Variants in HDAC3 observed in about 807,000 individuals in gnomAD.
HDAC3 encodes histone deacetylase 3.
HDAC3 carries 21 observed loss-of-function variants against 62.3 expected under a neutral mutation model. The ratio of observed to expected loss-of-function variants is 0.34; its 90% confidence interval spans 0.24 to 0.49. The LOEUF (loss-of-function observed/expected upper bound fraction) is 0.49, where lower values mean the gene tolerates loss of function less well. HDAC3 is among the 20% of genes least tolerant of loss of function. The probability of loss-of-function intolerance (pLI) is 0.99; values close to 1 mark genes in which losing one functional copy is unlikely to be tolerated. For synonymous variants in HDAC3, 198 were observed against 206.5 expected (o/e 0.96, Z 0.35); for missense variants, 270 against 556.9 (o/e 0.48, Z 5.19).
intron 10 of HDAC3, among the ~76,000 whole-genome samples, chr5:141,627,134 G>C (rs2099904547): frequency 6.6e-6 from 1 of 152,146 alleles, no homozygotes; most frequent in South Asian, 2.1e-4. Context: ...AAGTCCAGTG[G>C]CACAATCATA....
intron 14 of HDAC3, chr5:141,624,822 T>C (rs940042604): frequency 1.2e-5 from 2 of 168,102 alleles, no homozygotes; most frequent in Non-Finnish European, 2.5e-5. Context: ...AATGACCCTA[T>C]TTGTATTTAC....
chr5:141,625,437 T>C lies in HDAC3; in HGVS notation c.1060-72A>G, dbSNP rs41290601. On this transcript the variant is annotated intron_variant, in intron 13 of 14. Transcript: ENST00000305264. This position sits in a 1 kb window ranked among gnomAD's most constrained non-coding sequence, Gnocchi z 4.0. ...CAGGACATGGAATCTCCTAGCTGCC[T>C]TTTACCCCTACCATACTGGTTTTCA... 8,061 of 1,531,004 alleles carry C rather than the reference T, an allele frequency of 5.3e-3. 38 individuals are homozygous for C. The highest frequency in any genetic ancestry group is 6.3e-3 in the Non-Finnish European group (7,025 of 1,107,898). 94.8% of individuals were successfully genotyped at this position (1,531,004 alleles called of 1,614,324 possible).
intron 10 of HDAC3, among the ~76,000 whole-genome samples, chr5:141,627,537 C>T (rs1000129847): frequency 6.6e-6 from 1 of 152,162 alleles, no homozygotes; most frequent in Non-Finnish European, 1.5e-5. Flanking sequence ...CCCATTGTAT[C>T]CTGTGTCTCA....
Position 141,629,988 on chromosome 5 carries a change from A to C in HDAC3, c.363+56T>G. The C allele has an allele frequency of 6.2e-7, 1 of 1,612,606 alleles. No homozygotes were observed. Among genetic ancestry groups the C allele is most frequent in the Non-Finnish European group, 8.5e-7 (1 of 1,178,566 alleles). The stretch of plus-strand genomic sequence containing the variant: ...AGCTGGGAGCCCAGGATCAGGGTTA[A>C]ATCCCGAGTCCAGGGATCCAGAGGA... On this transcript the variant is annotated intron_variant, in intron 4 of 14. Transcript: ENST00000305264. This position sits in a 1 kb window ranked among gnomAD's most constrained non-coding sequence, Gnocchi z 5.3.
In HDAC3 at chr5:141,628,863, TG is replaced by T. The variant is rs2099904831; in HGVS notation, c.611-225del. Reference sequence around the variant, plus strand: ...TAGGCAGTAGGGATGCAGCAACGAATGGAACTAATGAAATTTACGATATCCC... The same window carrying T: ...TAGGCAGTAGGGATGCAGCAACGAATGAACTAATGAAATTTACGATATCCC... On this transcript the variant is annotated intron_variant, in intron 7 of 14. Coordinates refer to ENST00000305264, the MANE Select transcript of HDAC3 (RefSeq NM_003883.4). The surrounding 1 kb of genome is among the most constrained non-coding windows in gnomAD (Gnocchi z 4.7). Among the ~76,000 whole-genome samples, 1 of 152,192 alleles carries T rather than the reference TG, an allele frequency of 6.6e-6. No homozygotes were observed. Among genetic ancestry groups the T allele is most frequent in the Admixed American group, 6.5e-5 (1 of 15,276 alleles).
chr5:141,633,825 C>CAAAAAAAA (rs11291105), intron 3 of HDAC3, among the ~76,000 whole-genome samples: 1 of 74,010 alleles, frequency 1.4e-5, no homozygotes, highest in Non-Finnish European at 2.6e-5. Context: ...GACTCTGTCT[C>CAAAAAAAA]AAAAAAAAAA....
rs746572228 is a variant in HDAC3 at position 141,634,859 on chromosome 5, A to G, written c.233T>C (p.Met78Thr). Residue 78 changes from methionine (M) to threonine (T), a missense_variant, in exon 3 of 15, where the codon ATG becomes ACG. Transcript: ENST00000305264. ...DFLQRVSPTN[M>T]QGFTKSLNAF... ...ATTAAGACTCTTGGTGAAGCCTTGC[A>G]TATTGGTGGGGCTGACTCTCTGCAG... 1.9e-6 allele frequency: 3 copies of G among 1,614,106 alleles called. No homozygotes were observed. Among genetic ancestry groups the G allele is most frequent in the Admixed American group, 3.3e-5 (2 of 60,010 alleles).
intron 3 of HDAC3, among the ~76,000 whole-genome samples, chr5:141,632,801 G>A (rs1025309673): frequency 2.0e-5 from 3 of 152,144 alleles, no homozygotes; most frequent in African/African-American, 4.8e-5. Context: ...AGAGAACTAA[G>A]GGCATTCCAG....
rs2099904438 is a variant in HDAC3 at position 141,626,503 on chromosome 5, G to C, written c.831-220C>G. On this transcript the variant is annotated intron_variant, in intron 10 of 14. Coordinates refer to ENST00000305264, the MANE Select transcript of HDAC3 (RefSeq NM_003883.4). The surrounding 1 kb of genome is among the most constrained non-coding windows in gnomAD (Gnocchi z 4.6). ...TAAAGCACAGTCCCCCCTCTGTTCT[G>C]CTCAACACCCTCCCTGGCACCCTGC... 1 of 536,206 alleles carries C rather than the reference G, an allele frequency of 1.9e-6. No homozygotes were observed. The highest frequency in any genetic ancestry group is 3.1e-5 in the Admixed American group (1 of 32,116). 33.2% of individuals were successfully genotyped at this position (536,206 alleles called of 1,614,324 possible).
intron 14 of HDAC3, among the ~76,000 whole-genome samples, chr5:141,621,753 A>C (rs773063822): frequency 6.6e-6 from 1 of 152,248 alleles, no homozygotes. Flanking sequence ...GTAGAGTAAC[A>C]AGCTGGACAA....
rs2099905990 is a variant in HDAC3 at position 141,636,286 on chromosome 5, C to T, written c.138+262G>A. ...AACACACCTTCTGTCTTCAAACCAGCCCCACATCACGCTAACCCTAGGCCA... is the reference window on the plus strand; with the variant it reads ...AACACACCTTCTGTCTTCAAACCAGTCCCACATCACGCTAACCCTAGGCCA... On this transcript the variant is annotated intron_variant, in intron 2 of 14. Coordinates refer to ENST00000305264, the MANE Select transcript of HDAC3 (RefSeq NM_003883.4). The T allele has an allele frequency of 1.3e-5, 7 of 530,412 alleles. No individual in the cohort carries two copies. In the East Asian group the frequency reaches 2.2e-4, roughly 16 times the overall value. The allele number at this position is 530,412 out of a possible 1,614,324, so 32.9% of individuals were successfully genotyped here.
rs2099904343 is a variant in HDAC3, at chr5:141,625,706, G to A, written c.1038C>T (p.Ile346=). The change falls in exon 13 of 15, where the codon ATC becomes ATT. Residue 346 remains isoleucine, a synonymous_variant. Coordinates refer to ENST00000305264, the MANE Select transcript of HDAC3 (RefSeq NM_003883.4). The surrounding 1 kb of genome is among the most constrained non-coding windows in gnomAD (Gnocchi z 4.0). Reference sequence around the variant, plus strand: ...TGACCTGGCGTGAGTTCTGATTCTCGATGCGGGTGCTGACATCTGGATGAA... The same window carrying A: ...TGACCTGGCGTGAGTTCTGATTCTCAATGCGGGTGCTGACATCTGGATGAA... ...FTLHPDVSTR[I]ENQNSRQYLD... 2.5e-6 allele frequency: 4 copies of A among 1,614,134 alleles called. No individual in the cohort carries two copies. Among genetic ancestry groups the A allele is most frequent in the East Asian group, 2.2e-5 (1 of 44,890 alleles).
rs915611066 is a variant in HDAC3, at chr5:141,636,797, G to A, written c.-7C>T. Reference sequence around the variant, plus strand: ...AGGCCACGGTCTTGGCCATGGTGCCGGCGGGAGCAGGCCCCGCACCTCCGC... The same window carrying A: ...AGGCCACGGTCTTGGCCATGGTGCCAGCGGGAGCAGGCCCCGCACCTCCGC... On this transcript the variant is annotated 5_prime_UTR_variant, in exon 1 of 15. Transcript: ENST00000305264. 8.1e-6 allele frequency: 13 copies of A among 1,599,992 alleles called. No homozygotes were observed. Among genetic ancestry groups the A allele is most frequent in the East Asian group, 2.3e-5 (1 of 44,036 alleles).
rs1371975172 is a variant in HDAC3, at chr5:141,629,297, A to G, written c.486T>C (p.Pro162=). 1.9e-6 allele frequency: 3 copies of G among 1,614,180 alleles called. No individual in the cohort carries two copies. The highest frequency in any genetic ancestry group is 2.5e-6 in the Non-Finnish European group (3 of 1,180,028). ...IGILELLKYH[P]RVLYIDIDIH... is the part of the protein sequence containing the mutation. ...TGTCAATGTCAATGTAGAGCACCCG[A>G]GGGTGGTACCTAGAGGGAAGCCAAA... is the stretch of plus-strand genomic sequence containing the variant. The change falls in exon 7 of 15, where the codon CCT becomes CCC. Residue 162 remains proline, a synonymous_variant. Transcript: ENST00000305264. This position sits in a 1 kb window ranked among gnomAD's most constrained non-coding sequence, Gnocchi z 5.3.
Position 141,634,939 on chromosome 5 carries a change from G to A in HDAC3, c.153C>T (p.Tyr51=), listed in dbSNP as rs1329819615. The change falls in exon 3 of 15, where the codon TAC becomes TAT. Residue 51 remains tyrosine (Y), a synonymous_variant. Coordinates refer to ENST00000305264, the MANE Select transcript of HDAC3 (RefSeq NM_003883.4). ...GGCACATGTCATGTTGGGAGGCCTGGTATGGCTTGAAGACCTCGGGATGGA... is the reference window on the plus strand; with the variant it reads ...GGCACATGTCATGTTGGGAGGCCTGATATGGCTTGAAGACCTCGGGATGGA... ...LYKKMIVFKP[Y]QASQHDMCRF... is the part of the protein sequence containing the mutation. 1 of 1,613,928 alleles carries A rather than the reference G, an allele frequency of 6.2e-7. No homozygotes were observed. The highest frequency in any genetic ancestry group is 2.2e-5 in the East Asian group (1 of 44,874).
intron 3 of HDAC3, among the ~76,000 whole-genome samples, chr5:141,631,997 T>G (rs2099905283): frequency 6.6e-6 from 1 of 151,290 alleles, no homozygotes; most frequent in South Asian, 2.1e-4. Flanking sequence ...GAGGGATTTA[T>G]GGGTGAAAAG....
At chr5:141,635,104 G>A (rs1192735455) in intron 2 of HDAC3, 151 bp from the exon 3 acceptor site, 5 of 683,628 alleles carry the variant, frequency 7.3e-6, no homozygotes, top group African/African-American at 3.7e-5. Flanking sequence ...GAGAGACTCC[G>A]ATTAACCAGG....
chr5:141,628,990 G>A lies in HDAC3; in HGVS notation c.610+183C>T, dbSNP rs546610652. ...AAACACAAATAGCAGTGAGTGTTCT[G>A]AGGGAAACAATGAGGCTGATGTAAC... On this transcript the variant is annotated intron_variant, in intron 7 of 14. Coordinates refer to ENST00000305264, the MANE Select transcript of HDAC3 (RefSeq NM_003883.4). This position sits in a 1 kb window ranked among gnomAD's most constrained non-coding sequence, Gnocchi z 4.7. Among the ~76,000 whole-genome samples the A allele has an allele frequency of 2.6e-5, 4 of 152,298 alleles. No homozygotes were observed. In the South Asian group the frequency reaches 8.3e-4, roughly 32 times the overall value.
chr5:141,625,213 A>G lies in HDAC3; in HGVS notation c.1212T>C (p.Tyr404=). 1.9e-6 allele frequency: 3 copies of G among 1,608,088 alleles called. No individual in the cohort carries two copies. Among genetic ancestry groups the G allele is most frequent in the East Asian group, 2.2e-5 (1 of 44,794 alleles). ...TGAAGTCCCTGCTCCCAGACCTGCT[A>G]TAGTTCTCCTCAGGACCCCTCTCCT... ...DAEERGPEEN[Y]SRPEAPNEFY... Residue 404 remains tyrosine, a synonymous_variant, in exon 14 of 15, where the codon TAT becomes TAC. Coordinates refer to ENST00000305264, the MANE Select transcript of HDAC3 (RefSeq NM_003883.4). This position sits in a 1 kb window ranked among gnomAD's most constrained non-coding sequence, Gnocchi z 4.0.
Sources: gnomAD v4.1 joint callset for allele counts (sites outside exome capture counted in the v4.1 genomes callset) on GRCh38, gnomAD v4.1.1 for gene constraint, Gnocchi (gnomAD v3.1) non-coding constraint, MANE v1.5 for transcripts, NCBI Gene and HGNC (gene_info 2026-07-23, HGNC 2026-07-21) for gene names.